SLF2: variants seen among roughly 807,000 people sequenced by gnomAD.
The protein encoded by SLF2 is SMC5/6 complex localization factor 2, also known as SMC5-SMC6 complex localization factor protein 2.
A neutral mutation model predicts 124.3 loss-of-function variants in SLF2; 68 were observed. That is an observed-to-expected ratio of 0.55 (90% CI 0.45 to 0.67). The LOEUF (loss-of-function observed/expected upper bound fraction) is 0.67. SLF2 is among the 30% of genes least tolerant of loss of function. The probability of loss-of-function intolerance (pLI) is 0.00; values close to 1 mark genes in which losing one functional copy is unlikely to be tolerated. For missense variants in SLF2, 1,246 were observed against 1,373.7 expected, an observed-to-expected ratio of 0.91 and a Z score of 1.47; for synonymous variants, 480 against 478.8, an observed-to-expected ratio of 1.00 and a Z score of -0.03.
chr10:100,959,670 T>A, intron 19 of SLF2, 174 bp downstream of exon 19: 1 of 1,154,640 alleles, frequency 8.7e-7, no homozygotes, highest in Non-Finnish European at 1.1e-6. Context: ...TTCGTTTGCT[T>A]TATATTCATT....
At position 100,916,767 on chromosome 10, in the gene SLF2, A is replaced by G; in HGVS notation, c.382A>G (p.Ile128Val). Residue 128 changes from isoleucine to valine, a missense_variant, in exon 3 of 20, where the codon ATA becomes GTA. Around this residue, in one of 3 missense-constraint regions of SLF2, gnomAD observed 698 missense variants for 708.9 expected, o/e 0.98. Coordinates refer to ENST00000238961, the MANE Select transcript of SLF2 (RefSeq NM_018121.4). ...TAAAGAGCACCATGAAGATCATGGT[A>G]TACATGAGTCACGTCGGCCTTGTCT... ...GVKEHHEDHGIHESRRPCLSL... is the reference protein window; with the variant it reads ...GVKEHHEDHGVHESRRPCLSL... 6 of 1,612,714 alleles carry G rather than the reference A, an allele frequency of 3.7e-6. No individual in the cohort carries two copies. Among genetic ancestry groups the G allele is most frequent in the Non-Finnish European group, 4.2e-6 (5 of 1,179,458 alleles).
Position 100,924,868 on chromosome 10 carries a change from T to G in SLF2, c.1867T>G (p.Ser623Ala). 1 of 1,614,178 alleles carries G rather than the reference T, an allele frequency of 6.2e-7. No individual in the cohort carries two copies. The highest frequency in any genetic ancestry group is 8.5e-7 in the Non-Finnish European group (1 of 1,180,034). ...DSDEEEETLK[S>A]LEEIMALNFN... Reference sequence around the variant, plus strand: ...TGATGAGGAAGAGGAAACATTAAAGTCACTGGAAGAAATAATGGCTTTGAA... The same window carrying G: ...TGATGAGGAAGAGGAAACATTAAAGGCACTGGAAGAAATAATGGCTTTGAA... Residue 623 changes from serine to alanine, a missense_variant, in exon 5 of 20, where the codon TCA (serine) becomes GCA (alanine). Physicochemically the swap from Ser to Ala is moderately conservative, Grantham distance 99. Around this residue, in one of 3 missense-constraint regions of SLF2, gnomAD observed 13 missense variants for 32.0 expected, o/e 0.41. Coordinates refer to ENST00000238961, the MANE Select transcript of SLF2 (RefSeq NM_018121.4).
In SLF2 at chr10:100,962,016, T is replaced by C. The variant is rs1230812638; in HGVS notation, c.*104T>C. On this transcript the variant is annotated 3_prime_UTR_variant, in exon 20 of 20. Transcript: ENST00000238961. Reference sequence around the variant, plus strand: ...CAGAATCCAATGAATGCCAAGAAAATGTACAGCAAATGTGCCACTTGAATA... The same window carrying C: ...CAGAATCCAATGAATGCCAAGAAAACGTACAGCAAATGTGCCACTTGAATA... 1.4e-5 allele frequency: 15 copies of C among 1,079,542 alleles called. No homozygotes were observed. The highest frequency in any genetic ancestry group is 2.1e-4 in the Middle Eastern group (1 of 4,770). 66.9% of individuals were successfully genotyped at this position (1,079,542 alleles called of 1,614,324 possible). A position where few individuals can be genotyped will look rare whatever the true frequency, so the allele number is the denominator to read the frequency against.
At chr10:100,923,936 A>G (rs1849562470) in intron 4 of SLF2, 39 bp from the exon 5 acceptor site, 3 of 1,440,474 alleles carry the variant, frequency 2.1e-6, no homozygotes, top group African/African-American at 1.4e-5. Flanking sequence ...AAAGTTGGAA[A>G]GTATATTTTT....
rs900407860 is a variant in SLF2 at position 100,942,694 on chromosome 10, T to C, written c.2655-1332T>C. Among the ~76,000 whole-genome samples, 4 of 152,140 alleles carry C rather than the reference T, an allele frequency of 2.6e-5. 1 individual carries two copies. Among genetic ancestry groups the C allele is most frequent in the Non-Finnish European group, 5.9e-5 (4 of 68,018 alleles). On this transcript the variant is annotated intron_variant, in intron 11 of 19. Transcript: ENST00000238961. Reference sequence around the variant, plus strand: ...CCACCACGCCAGCCTAATTTTTCTATTTCTAGCAGAGATGGGGTTTCACCA... The same window carrying C: ...CCACCACGCCAGCCTAATTTTTCTACTTCTAGCAGAGATGGGGTTTCACCA...
chr10:100,954,776 C>T (rs1054873175), intron 17 of SLF2, among the ~76,000 whole-genome samples: 8 of 151,990 alleles, frequency 5.3e-5, no homozygotes, highest in African/African-American at 1.9e-4. Flanking sequence ...GATGCTGTCT[C>T]TACAAAAAAA....
intron 2 of SLF2, 140 bp downstream of exon 2, chr10:100,916,182 GT>G: frequency 1.6e-6 from 1 of 613,770 alleles, no homozygotes; most frequent in East Asian, 2.8e-5. Flanking sequence ...GCAGTATTTT[GT>G]TTTACAAGGA....
chr10:100,954,343 T>A (rs2133826635), intron 17 of SLF2, among the ~76,000 whole-genome samples: 1 of 152,324 alleles, frequency 6.6e-6, no homozygotes, highest in South Asian at 2.1e-4. Flanking sequence ...CAGTATGTTT[T>A]TTGTGATTGC....
At chr10:100,958,503 T>C (rs896714090) in intron 18 of SLF2, among the ~76,000 whole-genome samples, 2 of 152,154 alleles carry the variant, frequency 1.3e-5, no homozygotes, top group East Asian at 3.9e-4. Context: ...ACCACCCAAG[T>C]TTTATGTTTC....
intron 14 of SLF2, 104 bp from the exon 15 acceptor site, chr10:100,947,656 C>A: frequency 1.4e-6 from 1 of 704,030 alleles, no homozygotes; most frequent in Non-Finnish European, 2.4e-6. Flanking sequence ...TGAAACATTG[C>A]CTATATTTCC....
chr10:100,930,559 G>A (rs138618087), intron 8 of SLF2, among the ~76,000 whole-genome samples: 205 of 152,284 alleles, frequency 1.3e-3, no homozygotes, highest in African/African-American at 4.8e-3. Flanking sequence ...CAAGAAGAAA[G>A]GCAAAAATAG....
At chr10:100,943,914 A>G in intron 11 of SLF2, 112 bp from the exon 12 acceptor site, 1 of 625,544 alleles carries the variant, frequency 1.6e-6, no homozygotes, top group Non-Finnish European at 2.7e-6. Context: ...CTTTTATTGT[A>G]TGTAAATTAT....
intron 19 of SLF2, among the ~76,000 whole-genome samples, chr10:100,961,389 C>G (rs1850425771): frequency 1.3e-5 from 2 of 152,026 alleles, no homozygotes; most frequent in South Asian, 4.1e-4. Context: ...TAGCCAGGGC[C>G]TAGAAGTTGC....
intron 10 of SLF2, 128 bp downstream of exon 10, chr10:100,937,605 G>A (rs1849889530): frequency 1.4e-6 from 1 of 701,122 alleles, no homozygotes; most frequent in Non-Finnish European, 2.3e-6. Flanking sequence ...CTAATCAAAA[G>A]TCGTTTTTTT....
chr10:100,928,045 C>CCA (rs1214543662), intron 6 of SLF2, among the ~76,000 whole-genome samples: 284 of 13,052 alleles, frequency 0.022, 15 homozygotes, highest in Admixed American at 0.029. Flanking sequence ...CCCCCCCCCC[C>CCA]CACACACACA....
chr10:100,962,153 A>T lies in SLF2; in HGVS notation c.*241A>T. ...TTCAAAAGTGCAGAGTCTTATTAAA[A>T]GAGGGGAGGGGTAGAAGCAGAATAA... On this transcript the variant is annotated 3_prime_UTR_variant, in exon 20 of 20. Transcript: ENST00000238961. 2.7e-6 allele frequency: 1 copy of T among 375,814 alleles called. No homozygotes were observed. Among genetic ancestry groups the T allele is most frequent in the East Asian group, 3.9e-5 (1 of 25,560 alleles). 23.3% of individuals were successfully genotyped at this position (375,814 alleles called of 1,614,324 possible). A position where few individuals can be genotyped will look rare whatever the true frequency, so the allele number is the denominator to read the frequency against.
At position 100,918,512 on chromosome 10, in the gene SLF2, A is replaced by G. The variant is rs1037500945; in HGVS notation, c.973+71A>G. On this transcript the variant is annotated intron_variant, in intron 4 of 19. Coordinates refer to ENST00000238961, the MANE Select transcript of SLF2 (RefSeq NM_018121.4). ...TTAATGGCACTGCTTTTTAAAATAA[A>G]TTTGTTTAAATATGCAGTTCCCTTC... 7 of 1,000,374 alleles carry G rather than the reference A, an allele frequency of 7.0e-6. No individual in the cohort carries two copies. In the East Asian group the frequency reaches 1.7e-4, roughly 25 times the overall value. 62.0% of individuals were successfully genotyped at this position (1,000,374 alleles called of 1,614,324 possible).
rs191830217 is a variant in SLF2, at chr10:100,951,068, C to T, written c.3330+315C>T. 9.4e-3 allele frequency among the ~76,000 whole-genome samples: 1,426 copies of T among 152,210 alleles called. 11 individuals are homozygous for T. The highest frequency in any genetic ancestry group is 0.037 in the Middle Eastern group (11 of 294). On this transcript the variant is annotated intron_variant, in intron 17 of 19. Coordinates refer to ENST00000238961, the MANE Select transcript of SLF2 (RefSeq NM_018121.4). The stretch of plus-strand genomic sequence containing the variant: ...CCAGCCTGGCCAACATGGTGAAACC[C>T]CATCTCTACTAAAAATACAAAAAAA...
Position 100,924,927 on chromosome 10 carries a change from T to G in SLF2, c.1926T>G (p.Pro642=), listed in dbSNP as rs373229934. Residue 642 remains proline, a synonymous_variant, in exon 5 of 20, where the codon CCT becomes CCG. Coordinates refer to ENST00000238961, the MANE Select transcript of SLF2 (RefSeq NM_018121.4). ...AGACTCCTGCAGCTACAGGAAAGCC[T>G]CCTGCTCTTTCCAAGGGGCTTAGAT... is the stretch of plus-strand genomic sequence containing the variant. ...FNQTPAATGK[P]PALSKGLRSQ... 4.3e-6 allele frequency: 7 copies of G among 1,614,014 alleles called. No homozygotes were observed. Among genetic ancestry groups the G allele is most frequent in the South Asian group, 2.2e-5 (2 of 91,078 alleles).
Sources: allele counts gnomAD v4.1 joint callset (sites outside exome capture counted in the v4.1 genomes callset), GRCh38; gene constraint gnomAD v4.1.1; regional missense constraint gnomAD v4.1.1; transcripts MANE v1.5; gene names NCBI Gene and HGNC (gene_info 2026-07-23, HGNC 2026-07-21).